PLCZ1: variants seen among roughly 807,000 people sequenced by gnomAD.
PLCZ1 encodes phospholipase C zeta 1.
A neutral mutation model predicts 76.8 loss-of-function variants in PLCZ1; 64 were observed. The observed-to-expected ratio is 0.83, with a 90% CI of 0.68 to 1.03. The LOEUF is 1.03. PLCZ1 is among the 50% of genes least tolerant of loss of function. PLCZ1 has a pLI of 0.00. For synonymous variants in PLCZ1, 248 were observed against 230.8 expected (o/e 1.07, Z -0.68); for missense variants, 751 against 713.7 (o/e 1.05, Z -0.60).
intron 6 of PLCZ1, among the ~76,000 whole-genome samples, chr12:18,706,511 T>C (rs1956634002): frequency 6.6e-6 from 1 of 152,212 alleles, no homozygotes. Context: ...ATATTTCCAG[T>C]TTCTAATAGC....
At chr12:18,658,503 C>T in the PLCZ1 span, among the ~76,000 whole-genome samples, 3 of 151,994 alleles carry the variant, frequency 2.0e-5, no homozygotes, top group Non-Finnish European at 4.4e-5. Flanking sequence ...TTACCACAGA[C>T]CATGGAGGCC....
chr12:18,678,297 A>G (rs1481594404), downstream of PLCZ1, among the ~76,000 whole-genome samples: 1 of 152,138 alleles, frequency 6.6e-6, no homozygotes, highest in Non-Finnish European at 1.5e-5. Context: ...AGCGTGCTCA[A>G]AAGAAAGCCA....
At chr12:18,720,723 A>G (rs1406384287) in intron 4 of PLCZ1, among the ~76,000 whole-genome samples, 2 of 152,068 alleles carry the variant, frequency 1.3e-5, no homozygotes, top group African/African-American at 4.8e-5. Flanking sequence ...TTTTATTTCC[A>G]GGAATTTATC....
rs1478510679 is a variant in PLCZ1 at position 18,736,300 on chromosome 12, A to AT, written c.55dup (p.Ile19AsnfsTer2). On this transcript the variant is annotated frameshift_variant, in exon 3 of 15. Transcript: ENST00000266505. LOFTEE classifies it high-confidence loss of function. ...TAACCTCTGAGTTTTTTCTAGGTTA[A>AT]TTTTTCCACCTCTGAAGTCATCCTG... The AT allele has an allele frequency of 6.2e-7, 1 of 1,612,852 alleles. No homozygotes were observed. The highest frequency in any genetic ancestry group is 2.2e-5 in the East Asian group (1 of 44,714).
At chr12:18,730,075 C>T (rs747910037) in intron 3 of PLCZ1, among the ~76,000 whole-genome samples, 6 of 152,074 alleles carry the variant, frequency 3.9e-5, no homozygotes, top group Non-Finnish European at 7.4e-5. Context: ...ATGTTAGTCC[C>T]ATTCTACGGA....
At chr12:18,649,062 C>T in the PLCZ1 span, among the ~76,000 whole-genome samples, 7 of 151,980 alleles carry the variant, frequency 4.6e-5, no homozygotes, top group South Asian at 2.1e-4. Context: ...ATTTGAAATA[C>T]GTGATCATGC....
chr12:18,666,089 ATAACT>A, the PLCZ1 span, among the ~76,000 whole-genome samples: 1 of 152,098 alleles, frequency 6.6e-6, no homozygotes, highest in African/African-American at 2.4e-5. Flanking sequence ...CATTAAGAAA[ATAACT>A]TAAAAGTGTA....
chr12:18,687,322 G>C (rs1342575059), intron 13 of PLCZ1, among the ~76,000 whole-genome samples: 2 of 152,084 alleles, frequency 1.3e-5, no homozygotes, highest in Non-Finnish European at 2.9e-5. Context: ...ATTTGATCTG[G>C]AGCATATTTC....
chr12:18,700,215 A>G (rs956165146), intron 9 of PLCZ1, among the ~76,000 whole-genome samples: 2 of 152,064 alleles, frequency 1.3e-5, no homozygotes, highest in Admixed American at 1.3e-4. Context: ...TTTTTTTCCT[A>G]AAGATCTCAG....
Position 18,723,388 on chromosome 12 carries a change from G to A in PLCZ1, c.290C>T (p.Thr97Ile), listed in dbSNP as rs1199710651. 1 of 1,612,910 alleles carries A rather than the reference G, an allele frequency of 6.2e-7. No homozygotes were observed. Among genetic ancestry groups the A allele is most frequent in the South Asian group, 1.1e-5 (1 of 91,048 alleles). Reference protein sequence around the residue: ...LLASNLAQFLTQEQYAAEMSK... With the variant: ...LLASNLAQFLIQEQYAAEMSK... ...CATCTCAGCTGCATATTGTTCTTGT[G>A]TCAGAAATTGAGCCAGATTACTTGC... Residue 97 changes from threonine (T) to isoleucine (I), a missense_variant, in exon 4 of 15, where the codon ACA (threonine) becomes ATA (isoleucine). Coordinates refer to ENST00000266505, the MANE Select transcript of PLCZ1 (RefSeq NM_033123.4).
At chr12:18,718,429 A>G (rs990329891) in intron 5 of PLCZ1, among the ~76,000 whole-genome samples, 3 of 151,956 alleles carry the variant, frequency 2.0e-5, no homozygotes, top group Non-Finnish European at 4.4e-5. Context: ...GATAAAATCT[A>G]TTCTCCTCTC....
At chr12:18,730,130 A>G (rs2150751727) in intron 3 of PLCZ1, among the ~76,000 whole-genome samples, 1 of 152,252 alleles carries the variant, frequency 6.6e-6, no homozygotes, top group Admixed American at 6.5e-5. Context: ...CAAGTAGTAA[A>G]CAGCTAGGAT....
At chr12:18,659,371 A>T in the PLCZ1 span, among the ~76,000 whole-genome samples, 1 of 152,158 alleles carries the variant, frequency 6.6e-6, no homozygotes, top group Non-Finnish European at 1.5e-5. Flanking sequence ...GAGGATAAAG[A>T]ACTCTTTGTT....
At position 18,737,923 on chromosome 12, in the gene PLCZ1, G is replaced by A. The variant is rs1161239036; in HGVS notation, c.-139+9C>T. The A allele has an allele frequency of 3.2e-6, 1 of 308,898 alleles. No individual in the cohort carries two copies. Among genetic ancestry groups the A allele is most frequent in the Admixed American group, 4.7e-5 (1 of 21,312 alleles). 19.1% of individuals were successfully genotyped at this position (308,898 alleles called of 1,614,324 possible). On this transcript the variant is annotated intron_variant, in intron 1 of 14. Transcript: ENST00000266505. ...TCGTTGACAACATATAATGCACACA[G>A]AGACACACCACTTTCGAAGAAGACT...
chr12:18,657,211 G>T, the PLCZ1 span, among the ~76,000 whole-genome samples: 4 of 152,148 alleles, frequency 2.6e-5, no homozygotes, highest in Non-Finnish European at 5.9e-5. Flanking sequence ...GAATAATAGA[G>T]TTGGAACAAA....
the PLCZ1 span, among the ~76,000 whole-genome samples, chr12:18,672,406 T>C: frequency 6.6e-6 from 1 of 152,220 alleles, no homozygotes; most frequent in East Asian, 1.9e-4. Context: ...TAATGTGTGA[T>C]CTCTGATTAT....
the PLCZ1 span, among the ~76,000 whole-genome samples, chr12:18,647,080 AT>A: frequency 2.7e-4 from 41 of 151,168 alleles, no homozygotes; most frequent in South Asian, 2.3e-3. Context: ...CCTTTTTGGT[AT>A]TTTTTTTTGT....
intron 13 of PLCZ1, among the ~76,000 whole-genome samples, chr12:18,686,633 C>G (rs1012153955): frequency 6.6e-6 from 1 of 152,058 alleles, no homozygotes; most frequent in African/African-American, 2.4e-5. Flanking sequence ...CTCCAAGAAC[C>G]ATCTCCAAAA....
chr12:18,730,898 T>C (rs1013734275), intron 3 of PLCZ1: 1 of 152,202 alleles, frequency 6.6e-6, no homozygotes, highest in African/African-American at 2.4e-5. Flanking sequence ...CTTTGGAAGA[T>C]ACTACCGGAG....
Sources: gnomAD v4.1 joint callset for allele counts (sites outside exome capture counted in the v4.1 genomes callset) on GRCh38, gnomAD v4.1.1 for gene constraint, MANE v1.5 for transcripts, NCBI Gene and HGNC (gene_info 2026-07-23, HGNC 2026-07-21) for gene names.